Variants in PLCE1 observed in about 807,000 individuals in gnomAD.
The protein encoded by PLCE1 is 1-phosphatidylinositol 4,5-bisphosphate phosphodiesterase epsilon-1.
PLCE1 carries 119 observed loss-of-function variants against 242.8 expected under a neutral mutation model. The observed-to-expected ratio is 0.49, with a 90% CI of 0.42 to 0.57. PLCE1 has a LOEUF of 0.57. Among genes scored for constraint, PLCE1 ranks in the 20% least tolerant of loss-of-function variants. The pLI is 0.00. For missense variants in PLCE1, 2,441 were observed against 2,788.8 expected, an observed-to-expected ratio of 0.88 and a Z score of 2.81; for synonymous variants, 945 against 1,017.4, an observed-to-expected ratio of 0.93 and a Z score of 1.35.
At chr10:94,017,395 A>C (rs540955001) in intron 1 of PLCE1, among the ~76,000 whole-genome samples, 4 of 152,302 alleles carry the variant, frequency 2.6e-5, no homozygotes, top group African/African-American at 7.2e-5. Flanking sequence ...CTCAGTGGCA[A>C]ATCAGAGGCA....
intron 8 of PLCE1, among the ~76,000 whole-genome samples, chr10:94,250,603 A>T (rs2050842179): frequency 6.6e-6 from 1 of 152,264 alleles, no homozygotes; most frequent in South Asian, 2.1e-4. Flanking sequence ...TTTACTTCCC[A>T]GAAAGCTTCC....
chr10:94,171,672 C>T (rs2136323766), intron 4 of PLCE1, among the ~76,000 whole-genome samples, 176 bp downstream of exon 4: 1 of 152,212 alleles, frequency 6.6e-6, no homozygotes. Context: ...TGCAATCCTT[C>T]CTCTCACTGT....
intron 2 of PLCE1, among the ~76,000 whole-genome samples, chr10:94,119,723 A>G (rs1399040986): frequency 6.6e-6 from 1 of 152,146 alleles, no homozygotes; most frequent in African/African-American, 2.4e-5. Flanking sequence ...TTTATGCTGT[A>G]ATACAATTGC....
chr10:94,216,164 T>G (rs1052439060), intron 4 of PLCE1, among the ~76,000 whole-genome samples: 5 of 152,222 alleles, frequency 3.3e-5, no homozygotes, highest in Admixed American at 1.3e-4. Context: ...TTAATACCTG[T>G]TAAGTAGACT....
chr10:94,188,998 T>TAAA (rs904632569), intron 4 of PLCE1, among the ~76,000 whole-genome samples: 3 of 73,820 alleles, frequency 4.1e-5, no homozygotes, highest in African/African-American at 8.5e-5. Context: ...TAGGAGAAAG[T>TAAA]AAAAAAAAAA....
chr10:94,079,399 C>T (rs997141660), intron 2 of PLCE1, among the ~76,000 whole-genome samples: 3 of 152,000 alleles, frequency 2.0e-5, no homozygotes, highest in East Asian at 1.9e-4. Context: ...CCCAAGATGT[C>T]GGTTTTCATT....
intron 2 of PLCE1, among the ~76,000 whole-genome samples, chr10:94,094,421 A>C (rs1430481086): frequency 6.6e-6 from 1 of 152,156 alleles, no homozygotes; most frequent in Non-Finnish European, 1.5e-5. Flanking sequence ...TCTGTTTGAG[A>C]ACCACTGTGG....
At chr10:94,135,936 C>G (rs1393101661) in intron 3 of PLCE1, among the ~76,000 whole-genome samples, 1 of 151,976 alleles carries the variant, frequency 6.6e-6, no homozygotes. Context: ...GAAAATTGCC[C>G]CAGTAATTTT....
At chr10:94,322,645 C>G (rs374012186) in intron 30 of PLCE1, among the ~76,000 whole-genome samples, 6 of 152,060 alleles carry the variant, frequency 3.9e-5, no homozygotes, top group East Asian at 3.9e-4. Context: ...ATTAGCTGGG[C>G]GTGGTGGCAG....
intron 14 of PLCE1, 110 bp downstream of exon 14, chr10:94,262,842 G>A: frequency 1.1e-6 from 1 of 881,922 alleles, no homozygotes; most frequent in Non-Finnish European, 1.9e-6. Context: ...CTTTAAATCT[G>A]GGACAGATAT....
At chr10:94,066,610 T>C (rs764652882) in intron 2 of PLCE1, among the ~76,000 whole-genome samples, 1 of 152,058 alleles carries the variant, frequency 6.6e-6, no homozygotes, top group East Asian at 1.9e-4. Context: ...CCTTGGACGC[T>C]CCCCCTCACA....
At chr10:94,276,560 TAAC>T (rs2051962819) in intron 19 of PLCE1, among the ~76,000 whole-genome samples, 1 of 152,160 alleles carries the variant, frequency 6.6e-6, no homozygotes, top group Admixed American at 6.5e-5. Context: ...TAAAAAATAA[TAAC>T]AATAATAATT....
At chr10:94,273,081 C>G (rs1430961333) in intron 18 of PLCE1, among the ~76,000 whole-genome samples, 1 of 152,152 alleles carries the variant, frequency 6.6e-6, no homozygotes, top group Admixed American at 6.5e-5. Context: ...GACACACATT[C>G]TGCTTTGGAG....
intron 3 of PLCE1, chr10:94,138,559 G>A: frequency 4.3e-6 from 2 of 469,442 alleles, no homozygotes; most frequent in South Asian, 3.4e-5. Context: ...ACTCCATCTG[G>A]GGATCAGTTA....
At chr10:94,301,385 G>A (rs1019057628) in intron 24 of PLCE1, among the ~76,000 whole-genome samples, 2 of 151,900 alleles carry the variant, frequency 1.3e-5, no homozygotes, top group Non-Finnish European at 2.9e-5. Context: ...TAGATAGATA[G>A]ATCGAATAGA....
At chr10:94,074,473 G>A (rs1381896380) in intron 2 of PLCE1, among the ~76,000 whole-genome samples, 1 of 152,114 alleles carries the variant, frequency 6.6e-6, no homozygotes, top group Non-Finnish European at 1.5e-5. Flanking sequence ...CCATAGGTGT[G>A]AGCCATAACA....
rs141608686 is a variant in PLCE1 at position 94,123,260 on chromosome 10, C to T, written c.1207-8914C>T. ...TTGTATGGAAGGGCATTTGCAGCTGCGAAATTCCCAAGTTTTCAAATGTCC... is the reference window on the plus strand; with the variant it reads ...TTGTATGGAAGGGCATTTGCAGCTGTGAAATTCCCAAGTTTTCAAATGTCC... On this transcript the variant is annotated intron_variant, in intron 2 of 32. Transcript: ENST00000371380. Among the ~76,000 whole-genome samples, 1,427 of 152,196 alleles carry T rather than the reference C, an allele frequency of 9.4e-3. 11 individuals carry two copies. Among genetic ancestry groups the T allele is most frequent in the Non-Finnish European group, 0.016 (1,061 of 68,012 alleles).
At position 94,171,431 on chromosome 10, in the gene PLCE1, T is replaced by A; in HGVS notation, c.1744T>A (p.Ser582Thr). ...LPCLKASISA[S>T]ILTTQNGEHN... The stretch of plus-strand genomic sequence containing the variant: ...CTGCCTCAAAGCATCCATCTCAGCG[T>A]CGATTCTTACCACTCAGAATGGAGA... The change falls in exon 4 of 33, where the codon TCG becomes ACG. Residue 582 changes from serine (S) to threonine (T), a missense_variant. Ser to Thr is a moderately conservative substitution (Grantham distance 58). Around this residue, in one of 5 missense-constraint regions of PLCE1, gnomAD observed 733 missense variants for 754.2 expected, o/e 0.97. Transcript: ENST00000371380. 1 of 1,614,232 alleles carries A rather than the reference T, an allele frequency of 6.2e-7. No individual in the cohort carries two copies. Among genetic ancestry groups the A allele is most frequent in the Non-Finnish European group, 8.5e-7 (1 of 1,180,032 alleles).
intron 3 of PLCE1, among the ~76,000 whole-genome samples, chr10:94,150,288 A>C (rs2047235056): frequency 6.6e-6 from 1 of 152,196 alleles, no homozygotes; most frequent in Non-Finnish European, 1.5e-5. Context: ...CTTAGAGGCT[A>C]AGTTGATGCC....
Sources: gnomAD v4.1 joint callset for allele counts (sites outside exome capture counted in the v4.1 genomes callset) on GRCh38, gnomAD v4.1.1 for gene constraint, gnomAD v4.1.1 regional missense constraint, MANE v1.5 for transcripts, NCBI Gene and HGNC (gene_info 2026-07-23, HGNC 2026-07-21) for gene names.